Variants in PHC2 observed in about 807,000 individuals in gnomAD.
PHC2 encodes polyhomeotic-like protein 2.
A neutral mutation model predicts 87.4 loss-of-function variants in PHC2; 29 were observed. That is an observed-to-expected ratio of 0.33 (90% CI 0.25 to 0.45). The LOEUF is 0.45. Ranked by LOEUF, PHC2 falls within the 20% of genes least tolerant of loss-of-function variation. The probability of loss-of-function intolerance (pLI) is 1.00; values close to 1 mark genes in which losing one functional copy is unlikely to be tolerated. For synonymous variants in PHC2, 438 were observed against 461.7 expected (o/e 0.95, Z 0.66); for missense variants, 857 against 1,136.7 (o/e 0.75, Z 3.54).
At position 33,332,441 on chromosome 1, in the gene PHC2, G is replaced by C; in HGVS notation, c.1762-37C>G. On this transcript the variant is annotated intron_variant, in intron 10 of 14. Transcript: ENST00000683057. This position sits in a 1 kb window ranked among gnomAD's most constrained non-coding sequence, Gnocchi z 4.2. ...GTAACACGGAGGCCGTGAGGGTCAG[G>C]TGGGAGCGGCTTCCTTGCTATCCAT... 1.2e-6 allele frequency: 2 copies of C among 1,613,442 alleles called. No individual in the cohort carries two copies. The highest frequency in any genetic ancestry group is 1.7e-6 in the Non-Finnish European group (2 of 1,179,538).
At chr1:33,402,467 A>G (rs574123850) in intron 1 of PHC2, among the ~76,000 whole-genome samples, 10 of 152,316 alleles carry the variant, frequency 6.6e-5, no homozygotes, top group African/African-American at 2.2e-4. Context: ...ACTCTTGCAC[A>G]TATTCATAAG....
In PHC2 at chr1:33,369,192, G is replaced by A. The variant is rs1337598873; in HGVS notation, c.577-570C>T. 2.0e-5 allele frequency among the ~76,000 whole-genome samples: 3 copies of A among 152,216 alleles called. No homozygotes were observed. The highest frequency in any genetic ancestry group is 4.4e-5 in the Non-Finnish European group (3 of 68,032). ...AACAGCAGAGGAAGCGGACCGCCTGGAGCCGTCCTCATGTCTGAATCCCAT... is the reference window on the plus strand; with the variant it reads ...AACAGCAGAGGAAGCGGACCGCCTGAAGCCGTCCTCATGTCTGAATCCCAT... On this transcript the variant is annotated intron_variant, in intron 5 of 14. Coordinates refer to ENST00000683057, the MANE Select transcript of PHC2 (RefSeq NM_001385109.1). The surrounding 1 kb of genome is among the most constrained non-coding windows in gnomAD (Gnocchi z 4.7).
intron 14 of PHC2, 174 bp from the exon 15 acceptor site, chr1:33,325,193 G>A (rs1646343081): frequency 3.1e-6 from 2 of 641,454 alleles, no homozygotes; most frequent in East Asian, 2.9e-5. Context: ...GAGAGAGGCT[G>A]TGCAACTCAC....
At chr1:33,412,953 T>G (rs6663484) in intron 1 of PHC2, among the ~76,000 whole-genome samples, 47,006 of 151,804 alleles carry the variant, frequency 0.31, 7,549 homozygotes, top group South Asian at 0.35. Flanking sequence ...CTTGTTTTTT[T>G]TTTGTTTGTT....
In PHC2 at chr1:33,354,466, A is replaced by G. The variant is rs755364983; in HGVS notation, c.1493T>C (p.Val498Ala). Residue 498 changes from valine (V) to alanine (A), a missense_variant, in exon 9 of 15, where the codon GTC becomes GCC. By Grantham distance (64) the Val-to-Ala change is moderately conservative. Coordinates refer to ENST00000683057, the MANE Select transcript of PHC2 (RefSeq NM_001385109.1). ...SGPSPHQQAI[V>A]TAMPGGLPVP... ...AGGCAGGCCACCAGGCATGGCAGTG[A>G]CAATAGCCTGCTGATGTGGTGATGG... is the stretch of plus-strand genomic sequence containing the variant. 7 of 1,614,154 alleles carry G rather than the reference A, an allele frequency of 4.3e-6. No homozygotes were observed. The highest frequency in any genetic ancestry group is 4.5e-5 in the East Asian group (2 of 44,882).
At chr1:33,356,273 ATATGTATATATATATATATATT>A (rs1647078435) in intron 7 of PHC2, among the ~76,000 whole-genome samples, 1 of 94,504 alleles carries the variant, frequency 1.1e-5, no homozygotes, top group African/African-American at 3.7e-5. Context: ...ATATATATAT[ATATGTATATATATATATATATT>A]TATTTATTTA....
chr1:33,367,678 C>A (rs1343557242), intron 6 of PHC2, among the ~76,000 whole-genome samples: 1 of 152,034 alleles, frequency 6.6e-6, no homozygotes, highest in Non-Finnish European at 1.5e-5. Context: ...GACCTGCTGC[C>A]CAGCTGGGCG....
rs1157568620 is a variant in PHC2, at chr1:33,332,691, G to A, written c.1762-287C>T. Among the ~76,000 whole-genome samples the A allele has an allele frequency of 4.6e-5, 7 of 152,190 alleles. No individual in the cohort carries two copies. Among genetic ancestry groups the A allele is most frequent in the African/African-American group, 1.7e-4 (7 of 41,440 alleles). ...CTATTCCAGTAAGAGTCTAAGGGCT[G>A]AGATCAGGTTTCCCACAGTGCCAGA... is the stretch of plus-strand genomic sequence containing the variant. On this transcript the variant is annotated intron_variant, in intron 10 of 14. Transcript: ENST00000683057. The surrounding 1 kb of genome is among the most constrained non-coding windows in gnomAD (Gnocchi z 4.2).
chr1:33,417,695 C>G (rs1650268795), intron 1 of PHC2, among the ~76,000 whole-genome samples: 1 of 152,062 alleles, frequency 6.6e-6, no homozygotes, highest in Non-Finnish European at 1.5e-5. Flanking sequence ...GACTTCAATA[C>G]TCCTCTCTTA....
At chr1:33,362,133 A>G (rs1647208300) in intron 7 of PHC2, among the ~76,000 whole-genome samples, 1 of 152,196 alleles carries the variant, frequency 6.6e-6, no homozygotes, top group Admixed American at 6.5e-5. Flanking sequence ...CTGGATTTAG[A>G]CTTGCTGTTC....
chr1:33,343,248 G>A (rs961297155), intron 9 of PHC2, among the ~76,000 whole-genome samples: 1 of 151,782 alleles, frequency 6.6e-6, no homozygotes, highest in Non-Finnish European at 1.5e-5. Flanking sequence ...GGATCACGAC[G>A]TCAAGAGATT....
chr1:33,333,958 T>G, intron 10 of PHC2, 132 bp downstream of exon 10: 1 of 765,296 alleles, frequency 1.3e-6, no homozygotes, highest in Non-Finnish European at 2.2e-6. Context: ...TCTATATTCT[T>G]TGGGGGAGGA....
In PHC2 at chr1:33,332,976, CTT is replaced by C. The variant is rs1646536938; in HGVS notation, c.1762-574_1762-573del. 6.6e-6 allele frequency among the ~76,000 whole-genome samples: 1 copy of C among 152,118 alleles called. No homozygotes were observed. Among genetic ancestry groups the C allele is most frequent in the South Asian group, 2.1e-4 (1 of 4,832 alleles). On this transcript the variant is annotated intron_variant, in intron 10 of 14. Transcript: ENST00000683057. The surrounding 1 kb of genome is among the most constrained non-coding windows in gnomAD (Gnocchi z 4.2). Reference sequence around the variant, plus strand: ...CAGCTTATTTACGCGTTTAGATCTCCTTTTGTGGCCTGTGTTTAGGCAGCCTG... The same window carrying C: ...CAGCTTATTTACGCGTTTAGATCTCCTTGTGGCCTGTGTTTAGGCAGCCTG...
Position 33,363,982 on chromosome 1 carries a change from C to T in PHC2, c.976+3134G>A, listed in dbSNP as rs559275162. The T allele has an allele frequency of 7.6e-6, 6 of 784,404 alleles. No homozygotes were observed. The South Asian group carries it at 2.3e-4, about 30-fold the overall frequency. 48.6% of individuals were successfully genotyped at this position (784,404 alleles called of 1,614,324 possible). ...AGCCCAACCTCTTAGGCTCTGTTCT[C>T]CGCCCCTTACTCCCCTCCCCCACCT... is the stretch of plus-strand genomic sequence containing the variant. On this transcript the variant is annotated intron_variant, in intron 7 of 14. Transcript: ENST00000683057.
chr1:33,396,124 C>T (rs998180518), intron 1 of PHC2, among the ~76,000 whole-genome samples: 1 of 152,178 alleles, frequency 6.6e-6, no homozygotes, highest in Non-Finnish European at 1.5e-5. Flanking sequence ...CAGTAAAGTA[C>T]GAATTCACCA....
At chr1:33,405,429 G>A (rs1279519416) in intron 1 of PHC2, among the ~76,000 whole-genome samples, 1 of 152,048 alleles carries the variant, frequency 6.6e-6, no homozygotes, top group Non-Finnish European at 1.5e-5. Flanking sequence ...AGCCTCAAGT[G>A]ATCCACCCAC....
At chr1:33,403,927 T>C (rs981348558) in intron 1 of PHC2, among the ~76,000 whole-genome samples, 2 of 152,200 alleles carry the variant, frequency 1.3e-5, no homozygotes, top group Non-Finnish European at 2.9e-5. Context: ...CATTGAATAT[T>C]GGAGCTCCTT....
intron 9 of PHC2, among the ~76,000 whole-genome samples, chr1:33,351,455 C>T (rs1303999869): frequency 6.6e-6 from 1 of 152,230 alleles, no homozygotes; most frequent in South Asian, 2.1e-4. Flanking sequence ...TTGGCAGTAA[C>T]TTTTCCTGTT....
chr1:33,339,374 A>G (rs1257427188), intron 9 of PHC2, among the ~76,000 whole-genome samples: 5 of 152,092 alleles, frequency 3.3e-5, no homozygotes, highest in Non-Finnish European at 7.4e-5. Context: ...TGATGTTTTG[A>G]GAGCAGCTAG....
Sources: gnomAD v4.1 joint callset for allele counts (sites outside exome capture counted in the v4.1 genomes callset) on GRCh38, gnomAD v4.1.1 for gene constraint, Gnocchi (gnomAD v3.1) non-coding constraint, MANE v1.5 for transcripts, NCBI Gene and HGNC (gene_info 2026-07-23, HGNC 2026-07-21) for gene names.